The following GNAI1 variants were observed in gnomAD, a reference collection of about 807,000 sequenced individuals.
The protein encoded by GNAI1 is G protein subunit alpha i1, also known as guanine nucleotide-binding protein G(i) subunit alpha-1.
GNAI1 carries 11 observed loss-of-function variants against 38.9 expected under a neutral mutation model. The ratio of observed to expected loss-of-function variants is 0.28; its 90% CI spans 0.18 to 0.47. The LOEUF (loss-of-function observed/expected upper bound fraction) is 0.47, where lower values mean the gene tolerates loss of function less well. GNAI1 is among the 20% of genes least tolerant of loss of function. The pLI is 0.99. For synonymous variants in GNAI1, 166 were observed against 145.1 expected, an observed-to-expected ratio of 1.14 and a Z score of -1.04; for missense variants, 317 against 436.9, an observed-to-expected ratio of 0.73 and a Z score of 2.45.
At chr7:80,140,172 G>A (rs1379104180) in intron 1 of GNAI1, among the ~76,000 whole-genome samples, 1 of 151,954 alleles carries the variant, frequency 6.6e-6, no homozygotes, top group East Asian at 1.9e-4. Flanking sequence ...TTGTAGTAGA[G>A]ACGGGGTTTC....
rs1019289670 is a variant in GNAI1, at chr7:80,159,730, T to G, written c.118+24452T>G. ...CCAGGTAGATATTCTTGATTTCACT[T>G]TTTTGTATTGTATTAAGAGTCTAGT... is the stretch of plus-strand genomic sequence containing the variant. On this transcript the variant is annotated intron_variant, in intron 1 of 7. Transcript: ENST00000649796. Among the ~76,000 whole-genome samples the G allele has an allele frequency of 2.6e-5, 4 of 152,140 alleles. No individual in the cohort carries two copies. The East Asian group carries it at 7.7e-4, about 29-fold the overall frequency.
At position 80,219,537 on chromosome 7, in the gene GNAI1, A is replaced by G. The variant is rs559403671; in HGVS notation, c.*2044A>G. The G allele has an allele frequency of 5.9e-5, 9 of 152,296 alleles. No homozygotes were observed. Among genetic ancestry groups the G allele is most frequent in the African/African-American group, 1.9e-4 (8 of 41,544 alleles). 9.4% of individuals were successfully genotyped at this position (152,296 alleles called of 1,614,324 possible). A position where few individuals can be genotyped will look rare whatever the true frequency, so the allele number is the denominator to read the frequency against. ...GCTCAGATTTTCCCTGTTCCAAGCT[A>G]TGAGATGTGATGCCACATTTGGAAT... On this transcript the variant is annotated 3_prime_UTR_variant, in exon 8 of 8. Transcript: ENST00000649796.
chr7:80,144,721 T>G (rs1274889827), intron 1 of GNAI1, among the ~76,000 whole-genome samples: 1 of 152,222 alleles, frequency 6.6e-6, no homozygotes, highest in Non-Finnish European at 1.5e-5. Flanking sequence ...ATGGAACTTG[T>G]AAGTAAACTT....
chr7:80,144,004 G>A (rs1421786133), intron 1 of GNAI1, among the ~76,000 whole-genome samples: 1 of 151,896 alleles, frequency 6.6e-6, no homozygotes, highest in African/African-American at 2.4e-5. Context: ...TATAAATTCA[G>A]TTTTAAACAT....
chr7:80,181,611 C>T (rs897863816), intron 1 of GNAI1, among the ~76,000 whole-genome samples: 1 of 152,144 alleles, frequency 6.6e-6, no homozygotes, highest in African/African-American at 2.4e-5. Context: ...AAAGAGCTTC[C>T]AGTGCTGCAC....
intron 1 of GNAI1, among the ~76,000 whole-genome samples, chr7:80,185,771 A>G (rs939809054): frequency 2.0e-5 from 3 of 152,038 alleles, no homozygotes; most frequent in Middle Eastern, 3.2e-3. Flanking sequence ...GAGAACAACT[A>G]TTTACTCTTT....
At chr7:80,144,913 G>A (rs1318093706) in intron 1 of GNAI1, among the ~76,000 whole-genome samples, 1 of 152,194 alleles carries the variant, frequency 6.6e-6, no homozygotes, top group Non-Finnish European at 1.5e-5. Context: ...AGAAATGTAT[G>A]CAAGGTATAT....
intron 5 of GNAI1, among the ~76,000 whole-genome samples, chr7:80,209,553 C>CT (rs1388875026): frequency 6.6e-6 from 1 of 152,020 alleles, no homozygotes; most frequent in Non-Finnish European, 1.5e-5. Flanking sequence ...TAAATAACAC[C>CT]TAGATAAATG....
chr7:80,137,321 T>TC (rs1562819589), intron 1 of GNAI1, among the ~76,000 whole-genome samples: 1,683 of 125,522 alleles, frequency 0.013, 18 homozygotes, highest in East Asian at 0.059. Context: ...TCTTTTCTTT[T>TC]TTTTTTTTTT....
chr7:80,175,804 A>G (rs1355760175), intron 1 of GNAI1, among the ~76,000 whole-genome samples: 1 of 152,126 alleles, frequency 6.6e-6, no homozygotes, highest in Non-Finnish European at 1.5e-5. Flanking sequence ...TCATTGCTTC[A>G]CTGGACTGGC....
intron 1 of GNAI1, among the ~76,000 whole-genome samples, chr7:80,165,139 T>G (rs1787991312): frequency 6.6e-6 from 1 of 152,174 alleles, no homozygotes; most frequent in Non-Finnish European, 1.5e-5. Context: ...AGTTTTATGA[T>G]TCTGAATATT....
At chr7:80,193,036 T>C (rs1052564898) in intron 3 of GNAI1, among the ~76,000 whole-genome samples, 4 of 152,014 alleles carry the variant, frequency 2.6e-5, no homozygotes, top group Admixed American at 6.6e-5. Context: ...TAATAATTAT[T>C]ATTACATTAC....
intron 1 of GNAI1, among the ~76,000 whole-genome samples, chr7:80,147,999 T>C (rs572461705): frequency 7.2e-5 from 11 of 152,202 alleles, no homozygotes; most frequent in African/African-American, 2.7e-4. Context: ...CACCATTAGG[T>C]AAAACCATGT....
intron 3 of GNAI1, among the ~76,000 whole-genome samples, chr7:80,194,518 A>G (rs1329424043): frequency 6.6e-6 from 1 of 152,202 alleles, no homozygotes; most frequent in East Asian, 1.9e-4. Flanking sequence ...CTCTCTCAAC[A>G]AAAGATTTAC....
At chr7:80,176,166 C>T (rs1050153714) in intron 1 of GNAI1, among the ~76,000 whole-genome samples, 2 of 152,192 alleles carry the variant, frequency 1.3e-5, no homozygotes, top group African/African-American at 4.8e-5. Flanking sequence ...AGCCTTATTG[C>T]TGACATGGAG....
intron 1 of GNAI1, among the ~76,000 whole-genome samples, chr7:80,183,759 TTGAC>T (rs572270819): frequency 3.5e-4 from 54 of 152,302 alleles, no homozygotes; most frequent in African/African-American, 1.2e-3. Flanking sequence ...CAGACACTGT[TTGAC>T]TATCACATTG....
At chr7:80,198,032 T>G (rs117805225) in intron 3 of GNAI1, among the ~76,000 whole-genome samples, 2,965 of 152,140 alleles carry the variant, frequency 0.019, 51 homozygotes, top group Non-Finnish European at 0.032. Flanking sequence ...AAGGAGAATC[T>G]CTGTGAAGAA....
At chr7:80,197,702 C>T (rs1788603346) in intron 3 of GNAI1, among the ~76,000 whole-genome samples, 1 of 152,020 alleles carries the variant, frequency 6.6e-6, no homozygotes, top group South Asian at 2.1e-4. Flanking sequence ...GTGTCGCTTG[C>T]ATGCATTTCT....
At chr7:80,189,803 A>G (rs1227885908) in intron 3 of GNAI1, among the ~76,000 whole-genome samples, 1 of 152,188 alleles carries the variant, frequency 6.6e-6, no homozygotes, top group Non-Finnish European at 1.5e-5. Context: ...ACTAGCACCC[A>G]GGAAATTACA....
Sources: gnomAD v4.1 joint callset for allele counts (sites outside exome capture counted in the v4.1 genomes callset) on GRCh38, gnomAD v4.1.1 for gene constraint, MANE v1.5 for transcripts, NCBI Gene and HGNC (gene_info 2026-07-23, HGNC 2026-07-21) for gene names.